Variants in CCDC39 observed in about 807,000 individuals in gnomAD.
The protein encoded by CCDC39 is coiled-coil domain-containing protein 39.
In CCDC39, 113 loss-of-function variants were observed where a neutral mutation model predicts 121.0. That is an observed-to-expected ratio of 0.93 (90% CI 0.80 to 1.09). The LOEUF (loss-of-function observed/expected upper bound fraction) is 1.09. CCDC39 is among the 50% of genes least tolerant of loss of function. The pLI is 0.00. For synonymous variants in CCDC39, 349 were observed against 352.2 expected, an observed-to-expected ratio of 0.99 and a Z score of 0.10; for missense variants, 1,063 against 1,074.7, an observed-to-expected ratio of 0.99 and a Z score of 0.15.
intron 11 of CCDC39, among the ~76,000 whole-genome samples, chr3:180,644,786 A>G (rs755887327): frequency 1.7e-4 from 26 of 152,244 alleles, no homozygotes; most frequent in Non-Finnish European, 3.1e-4. Context: ...TTTTCAATAC[A>G]GATGCAATCA....
intron 9 of CCDC39, 122 bp from the exon 10 acceptor site, chr3:180,648,481 G>A: frequency 1.6e-6 from 1 of 618,740 alleles, no homozygotes. Flanking sequence ...CCCTTTAGAA[G>A]ATAAAGCTCT....
In CCDC39 at chr3:180,679,292, T is replaced by C. The variant is rs749620673; in HGVS notation, c.89A>G (p.Gln30Arg). ...CCCGCCTGCTTCAATTGATCTCACC[T>C]GATCTTCCAGTAGCTTGTTCTCCTC... ...ANEENKLLED[Q>R]LSKLKDERAS... The change falls in exon 1 of 20, where the codon CAG becomes CGG. Residue 30 changes from glutamine to arginine, a missense_variant and splice_region_variant. Coordinates refer to ENST00000476379, the MANE Select transcript of CCDC39 (RefSeq NM_181426.2). This position sits in a 1 kb window ranked among gnomAD's most constrained non-coding sequence, Gnocchi z 4.0. 6.2e-7 allele frequency: 1 copy of C among 1,613,292 alleles called. No individual in the cohort carries two copies. Among genetic ancestry groups the C allele is most frequent in the Non-Finnish European group, 8.5e-7 (1 of 1,179,254 alleles).
Position 180,679,161 on chromosome 3 carries a change from C to A in CCDC39, c.90+130G>T. 1.3e-6 allele frequency: 1 copy of A among 750,962 alleles called. No individual in the cohort carries two copies. The highest frequency in any genetic ancestry group is 1.5e-5 in the South Asian group (1 of 68,838). 46.5% of individuals were successfully genotyped at this position (750,962 alleles called of 1,614,324 possible). On this transcript the variant is annotated intron_variant, in intron 1 of 19. Transcript: ENST00000476379. This position sits in a 1 kb window ranked among gnomAD's most constrained non-coding sequence, Gnocchi z 4.0. ...AGGGTAAGGGAGGAGGGCGATGGTG[C>A]GGGGGAGTGTTAGAGGAAGCACAGG... is the stretch of plus-strand genomic sequence containing the variant.
In CCDC39 at chr3:180,647,120, ATT is replaced by A. The variant is rs751239231; in HGVS notation, c.1484_1485del (p.Lys495IlefsTer15). ...TGTGTTTCCAAAAGGCCACATGTAGATTTTTTCTCTTCCAAAGACTTCCTAAG... is the reference window on the plus strand; with the variant it reads ...TGTGTTTCCAAAAGGCCACATGTAGATTTTCTCTTCCAAAGACTTCCTAAG... ...VELRKSLEEK[K>X]STCGLLETQI... is the part of the protein sequence containing the mutation. On this transcript the variant is annotated frameshift_variant, in exon 11 of 20. Transcript: ENST00000476379. LOFTEE classifies it high-confidence loss of function. 3 of 1,609,458 alleles carry A rather than the reference ATT, an allele frequency of 1.9e-6. No homozygotes were observed. The Admixed American group carries it at 5.1e-5, about 27-fold the overall frequency.
At chr3:180,617,771 A>G in intron 16 of CCDC39, 1 of 325,040 alleles carries the variant, frequency 3.1e-6, no homozygotes. Context: ...AAAAAGCTCT[A>G]GGAAGCTAAG....
chr3:180,678,390 T>C (rs908401127), intron 1 of CCDC39, among the ~76,000 whole-genome samples: 2 of 152,250 alleles, frequency 1.3e-5, no homozygotes, highest in African/African-American at 4.8e-5. Flanking sequence ...GAAAACTTTC[T>C]GTTCCGTTTT....
At chr3:180,619,213 TG>T (rs1362993028) in intron 16 of CCDC39, 45 bp downstream of exon 16, 2 of 855,278 alleles carry the variant, frequency 2.3e-6, no homozygotes, top group African/African-American at 3.4e-5. Flanking sequence ...TAATGATAGT[TG>T]ACTTTTATTG....
intron 6 of CCDC39, 95 bp from the exon 7 acceptor site, chr3:180,655,048 A>T (rs1056054440): frequency 6.4e-6 from 5 of 780,738 alleles, no homozygotes; most frequent in Non-Finnish European, 9.2e-6. Flanking sequence ...TACATTTAGT[A>T]CTTATTTTAC....
chr3:180,625,152 T>A (rs1370066865), intron 14 of CCDC39, among the ~76,000 whole-genome samples: 1 of 152,126 alleles, frequency 6.6e-6, no homozygotes, highest in African/African-American at 2.4e-5. Context: ...CCCTCAGGCA[T>A]AACTGATAAT....
intron 12 of CCDC39, among the ~76,000 whole-genome samples, chr3:180,643,480 G>A (rs1011477233): frequency 6.6e-6 from 1 of 152,066 alleles, no homozygotes; most frequent in African/African-American, 2.4e-5. Flanking sequence ...TTTTAAAAAT[G>A]CAGACTAAAA....
At chr3:180,636,842 T>A (rs1016463644) in intron 13 of CCDC39, among the ~76,000 whole-genome samples, 4 of 152,198 alleles carry the variant, frequency 2.6e-5, no homozygotes, top group African/African-American at 7.2e-5. Context: ...GGACTCGCTA[T>A]TCAATACATG....
At chr3:180,633,560 T>A (rs1210544948) in intron 13 of CCDC39, among the ~76,000 whole-genome samples, 1 of 151,668 alleles carries the variant, frequency 6.6e-6, no homozygotes, top group Admixed American at 6.6e-5. Flanking sequence ...GGGGGGAGAT[T>A]AGGCAGAGGA....
At chr3:180,664,329 C>A (rs969589889) in intron 1 of CCDC39, among the ~76,000 whole-genome samples, 38 of 152,276 alleles carry the variant, frequency 2.5e-4, no homozygotes, top group African/African-American at 9.1e-4. Flanking sequence ...AGAGCACCAA[C>A]ACCATTCATG....
intron 13 of CCDC39, among the ~76,000 whole-genome samples, chr3:180,636,074 T>C (rs1717818849): frequency 6.6e-6 from 1 of 152,176 alleles, no homozygotes; most frequent in Non-Finnish European, 1.5e-5. Flanking sequence ...TCGTCACTCT[T>C]AGTCAACATA....
intron 1 of CCDC39, among the ~76,000 whole-genome samples, chr3:180,666,343 G>A (rs1351250922): frequency 6.6e-6 from 1 of 151,998 alleles, no homozygotes; most frequent in Non-Finnish European, 1.5e-5. Context: ...ATGTTTTATG[G>A]GTATGTTTTA....
chr3:180,620,555 G>C, intron 14 of CCDC39, among the ~76,000 whole-genome samples: 1 of 151,792 alleles, frequency 6.6e-6, no homozygotes, highest in Admixed American at 6.6e-5. Flanking sequence ...GCTGTCACTG[G>C]GCTAAGCGGT....
intron 1 of CCDC39, among the ~76,000 whole-genome samples, chr3:180,675,745 T>C (rs1245311390): frequency 1.3e-5 from 2 of 152,090 alleles, no homozygotes; most frequent in Non-Finnish European, 2.9e-5. Context: ...CTTCAAACTA[T>C]ACTACAAGGC....
At position 180,642,851 on chromosome 3, in the gene CCDC39, G is replaced by GA. The variant is rs942571090; in HGVS notation, c.1666-651dup. ...AGTTTCTAAGCATAAAAATTAAAAA[G>GA]AAAAAAAAACTAAGAGATTTGATGT... On this transcript the variant is annotated intron_variant, in intron 12 of 19. Coordinates refer to ENST00000476379, the MANE Select transcript of CCDC39 (RefSeq NM_181426.2). 8.2e-5 allele frequency among the ~76,000 whole-genome samples: 12 copies of GA among 146,026 alleles called. No individual in the cohort carries two copies. In the East Asian group the frequency reaches 9.9e-4, roughly 12 times the overall value.
intron 13 of CCDC39, among the ~76,000 whole-genome samples, chr3:180,636,306 A>C (rs939410453): frequency 2.6e-5 from 4 of 152,182 alleles, no homozygotes. Context: ...CCTATACACC[A>C]ATAACAGCCA....
Sources: allele counts gnomAD v4.1 joint callset (sites outside exome capture counted in the v4.1 genomes callset), GRCh38; gene constraint gnomAD v4.1.1; non-coding constraint Gnocchi (gnomAD v3.1); transcripts MANE v1.5; gene names NCBI Gene and HGNC (gene_info 2026-07-23, HGNC 2026-07-21).